The following PPP2R2C variants were observed in gnomAD, a reference collection of about 807,000 sequenced individuals.
PPP2R2C encodes protein phosphatase 2 regulatory subunit Bgamma, also known as protein phosphatase 2, regulatory subunit B, gamma.
A neutral mutation model predicts 45.3 loss-of-function variants in PPP2R2C; 10 were observed. The ratio of observed to expected loss-of-function variants is 0.22; its 90% CI spans 0.14 to 0.37. The LOEUF is 0.37. Ranked by LOEUF, PPP2R2C falls within the 10% of genes least tolerant of loss-of-function variation. The pLI is 1.00. For missense variants in PPP2R2C, 308 were observed against 619.7 expected (o/e 0.50, Z 5.34); for synonymous variants, 257 against 245.4 (o/e 1.05, Z -0.44).
intron 3 of PPP2R2C, among the ~76,000 whole-genome samples, chr4:6,376,292 C>A (rs1197592882): frequency 1.3e-5 from 2 of 152,162 alleles, no homozygotes; most frequent in Non-Finnish European, 2.9e-5. Context: ...GAACTGAGAA[C>A]TGGGGTCAGT....
At chr4:6,399,640 C>T (rs1410988633) in intron 1 of PPP2R2C, among the ~76,000 whole-genome samples, 3 of 152,228 alleles carry the variant, frequency 2.0e-5, no homozygotes, top group African/African-American at 4.8e-5. Flanking sequence ...CCATAGCCAG[C>T]GTGGGCAGCC....
chr4:6,371,657 G>C (rs1018913250), intron 5 of PPP2R2C, among the ~76,000 whole-genome samples: 5 of 152,186 alleles, frequency 3.3e-5, no homozygotes, highest in African/African-American at 1.2e-4. Context: ...CTGGCTGTGA[G>C]CTTTGAGCAA....
intron 5 of PPP2R2C, among the ~76,000 whole-genome samples, chr4:6,369,684 C>A (rs1714644029): frequency 6.6e-6 from 1 of 152,174 alleles, no homozygotes; most frequent in Non-Finnish European, 1.5e-5. Context: ...ACACCCATGC[C>A]CTCAGGCAGC....
chr4:6,331,909 C>T lies in PPP2R2C; in HGVS notation c.960+1653G>A, dbSNP rs1447607630. ...GTCCTGCTACACACAATTTCTAGCA[C>T]ATCACAAGCCACCAAAAAATGTTGG... On this transcript the variant is annotated intron_variant, in intron 7 of 8. Coordinates refer to ENST00000382599, the MANE Select transcript of PPP2R2C (RefSeq NM_020416.4). This position sits in a 1 kb window ranked among gnomAD's most constrained non-coding sequence, Gnocchi z 5.9. Among the ~76,000 whole-genome samples, 1 of 152,232 alleles carries T rather than the reference C, an allele frequency of 6.6e-6. No homozygotes were observed. The highest frequency in any genetic ancestry group is 1.5e-5 in the Non-Finnish European group (1 of 68,042).
chr4:6,493,403 T>G (rs1441947363), intron 2 of PPP2R2C, among the ~76,000 whole-genome samples: 3 of 151,574 alleles, frequency 2.0e-5, no homozygotes, highest in African/African-American at 7.3e-5. Flanking sequence ...CTTCTGTCTT[T>G]TTCACTGTCC....
chr4:6,395,827 T>A (rs564098409), intron 1 of PPP2R2C, among the ~76,000 whole-genome samples: 40 of 152,256 alleles, frequency 2.6e-4, no homozygotes, highest in African/African-American at 9.6e-4. Flanking sequence ...GCAAGGAGCA[T>A]CCTGGTAGCC....
intron 6 of PPP2R2C, 125 bp downstream of exon 6, chr4:6,347,721 C>T: frequency 3.1e-6 from 4 of 1,291,358 alleles, no homozygotes; most frequent in Non-Finnish European, 4.2e-6. Context: ...GCCCACCCAC[C>T]TTGGCCAGTC....
chr4:6,380,624 C>T (rs1477946250), intron 2 of PPP2R2C, among the ~76,000 whole-genome samples: 1 of 152,166 alleles, frequency 6.6e-6, no homozygotes, highest in East Asian at 1.9e-4. Flanking sequence ...ACCATTCATC[C>T]AGGGTCTAGG....
intron 4 of PPP2R2C, 129 bp from the exon 5 acceptor site, chr4:6,372,829 G>C (rs1714965633): frequency 1.1e-6 from 1 of 945,202 alleles, no homozygotes; most frequent in African/African-American, 1.6e-5. Context: ...GATCCTCCGT[G>C]GTCTGAAATA....
intron 1 of PPP2R2C, among the ~76,000 whole-genome samples, chr4:6,412,282 C>T (rs568127705): frequency 6.6e-6 from 1 of 152,284 alleles, no homozygotes; most frequent in South Asian, 2.1e-4. Flanking sequence ...AGAGTATTGA[C>T]TTCTAAACAA....
chr4:6,554,856 T>G (rs187026532), intron 1 of PPP2R2C, among the ~76,000 whole-genome samples: 1,622 of 87,398 alleles, frequency 0.019, 31 homozygotes, highest in African/African-American at 0.072. Context: ...TGAGACTCCA[T>G]CTCAAAAAAA....
intron 1 of PPP2R2C, among the ~76,000 whole-genome samples, chr4:6,469,468 G>C (rs1411126427): frequency 6.6e-6 from 1 of 152,194 alleles, no homozygotes. Flanking sequence ...AGCATCCACT[G>C]TTTGCCCACA....
At chr4:6,334,561 G>A (rs951302396) in intron 6 of PPP2R2C, among the ~76,000 whole-genome samples, 5 of 152,116 alleles carry the variant, frequency 3.3e-5, no homozygotes, top group African/African-American at 1.2e-4. Context: ...GCTGGTATCT[G>A]TCTCACTGGT....
At chr4:6,406,255 T>C (rs1717789074) in intron 1 of PPP2R2C, among the ~76,000 whole-genome samples, 1 of 152,246 alleles carries the variant, frequency 6.6e-6, no homozygotes, top group African/African-American at 2.4e-5. Context: ...CAAAGGGATC[T>C]AAACCCAGCC....
intron 1 of PPP2R2C, among the ~76,000 whole-genome samples, chr4:6,387,542 G>A (rs549819022): frequency 1.3e-5 from 2 of 152,272 alleles, no homozygotes; most frequent in South Asian, 2.1e-4. Context: ...CGGGCACAGT[G>A]GCTCACACCT....
At chr4:6,366,335 G>A (rs1231982681) in intron 5 of PPP2R2C, among the ~76,000 whole-genome samples, 1 of 152,180 alleles carries the variant, frequency 6.6e-6, no homozygotes, top group Non-Finnish European at 1.5e-5. Context: ...TAGGGTCTGG[G>A]GTCTCTGATT....
At chr4:6,477,489 G>A (rs1722202401), upstream of PPP2R2C, among the ~76,000 whole-genome samples, 1 of 152,150 alleles carries the variant, frequency 6.6e-6, no homozygotes, top group African/African-American at 2.4e-5. Context: ...CACTTTGGGA[G>A]GCTGAGGCGG....
chr4:6,475,809 C>T (rs1022214228), upstream of PPP2R2C, among the ~76,000 whole-genome samples: 2 of 152,212 alleles, frequency 1.3e-5, no homozygotes, highest in Non-Finnish European at 2.9e-5. Flanking sequence ...TGCTGTGCAC[C>T]GCACCATGTC....
chr4:6,348,841 C>A, intron 5 of PPP2R2C: 1 of 655,202 alleles, frequency 1.5e-6, no homozygotes, highest in Non-Finnish European at 1.9e-6. Flanking sequence ...CCATTCCCCC[C>A]AGACTGCTAA....
Sources: allele counts gnomAD v4.1 joint callset (sites outside exome capture counted in the v4.1 genomes callset), GRCh38; gene constraint gnomAD v4.1.1; non-coding constraint Gnocchi (gnomAD v3.1); transcripts MANE v1.5; gene names NCBI Gene and HGNC (gene_info 2026-07-23, HGNC 2026-07-21).